Variants in CSPP1 observed in about 807,000 individuals in gnomAD.
The protein encoded by CSPP1 is centrosome and spindle pole-associated protein 1.
In CSPP1, 126 loss-of-function variants were observed where a neutral mutation model predicts 164.4. The observed-to-expected ratio is 0.77, with a 90% CI of 0.66 to 0.89. The LOEUF is 0.89. CSPP1 is among the 40% of genes least tolerant of loss of function. The pLI is 0.00. For synonymous variants in CSPP1, 472 were observed against 476.7 expected (o/e 0.99, Z 0.13); for missense variants, 1,395 against 1,449.8 (o/e 0.96, Z 0.61).
intron 4 of CSPP1, 64 bp from the exon 5 acceptor site, chr8:67,091,739 A>T (rs1358545325): frequency 2.0e-6 from 1 of 502,546 alleles, no homozygotes; most frequent in East Asian, 8.1e-5. Context: ...GCAAAGACAC[A>T]TTTATGCAAC....
At chr8:67,119,527 T>G (rs968249462) in intron 15 of CSPP1, among the ~76,000 whole-genome samples, 1 of 152,174 alleles carries the variant, frequency 6.6e-6, no homozygotes, top group Non-Finnish European at 1.5e-5. Context: ...AGGGTTCCAA[T>G]TTCTCCACGT....
In CSPP1 at chr8:67,112,075, G is replaced by A. The variant is rs372775647; in HGVS notation, c.1187+10G>A. 4 of 1,587,170 alleles carry A rather than the reference G, an allele frequency of 2.5e-6. No homozygotes were observed. The highest frequency in any genetic ancestry group is 2.6e-6 in the Non-Finnish European group (3 of 1,158,890). ...AGAGGAACAAGAGACGGTAATGAAA[G>A]GTTTGCATTTAAAAGAGATATTTTG... On this transcript the variant is annotated intron_variant, in intron 10 of 30. Coordinates refer to ENST00000678616, the MANE Select transcript of CSPP1 (RefSeq NM_001382391.1).
intron 16 of CSPP1, among the ~76,000 whole-genome samples, chr8:67,136,831 T>G (rs901121613): frequency 6.6e-6 from 1 of 151,754 alleles, no homozygotes; most frequent in Non-Finnish European, 1.5e-5. Flanking sequence ...CCCATGGAAC[T>G]GGCAGGGTTA....
At chr8:67,183,843 ATTTTTTT>A (rs918103972) in intron 28 of CSPP1, among the ~76,000 whole-genome samples, 13 of 108,214 alleles carry the variant, frequency 1.2e-4, no homozygotes, top group East Asian at 9.7e-4. Context: ...AAAATTGGGA[ATTTTTTT>A]TTTTTTTTTT....
At chr8:67,131,727 T>A (rs546218146) in intron 15 of CSPP1, among the ~76,000 whole-genome samples, 136 of 152,322 alleles carry the variant, frequency 8.9e-4, no homozygotes, top group Admixed American at 1.5e-3. Context: ...ATCACCTAGC[T>A]TAAGAAATAG....
chr8:67,113,941 A>G, intron 11 of CSPP1, 79 bp downstream of exon 11: 1 of 798,558 alleles, frequency 1.3e-6, no homozygotes. Flanking sequence ...GGGATAGAGA[A>G]TATTGGGAGA....
chr8:67,105,392 T>G (rs558213730), intron 8 of CSPP1, among the ~76,000 whole-genome samples: 3 of 152,104 alleles, frequency 2.0e-5, no homozygotes, highest in African/African-American at 7.2e-5. Context: ...TTTTTGTTTT[T>G]GTTTTTGATA....
chr8:67,144,440 T>C (rs1393547587), intron 17 of CSPP1, among the ~76,000 whole-genome samples: 1 of 152,044 alleles, frequency 6.6e-6, no homozygotes, highest in Admixed American at 6.6e-5. Flanking sequence ...TTGGGAAATG[T>C]TTTTTCTTTT....
rs1306628601 is a variant in CSPP1 at position 67,116,027 on chromosome 8, T to C, written c.1401T>C (p.Ser467=). The C allele has an allele frequency of 1.2e-6, 2 of 1,613,930 alleles. No individual in the cohort carries two copies. Among genetic ancestry groups the C allele is most frequent in the Non-Finnish European group, 1.7e-6 (2 of 1,179,920 alleles). ...QTPLPPLSAP[S]VPPIPSVHPV... is the part of the protein sequence containing the mutation. Reference sequence around the variant, plus strand: ...CTCTCCCTCCTTTATCTGCCCCATCTGTCCCACCCATCCCATCAGTTCATC... The same window carrying C: ...CTCTCCCTCCTTTATCTGCCCCATCCGTCCCACCCATCCCATCAGTTCATC... Residue 467 remains serine, a synonymous_variant, in exon 13 of 31, where the codon TCT becomes TCC. Transcript: ENST00000678616.
Position 67,179,848 on chromosome 8 carries a change from A to G in CSPP1, c.3157-15A>G, listed in dbSNP as rs199558831. 7.8e-4 allele frequency: 1,225 copies of G among 1,561,632 alleles called. 1 individual carries two copies. Among genetic ancestry groups the G allele is most frequent in the Non-Finnish European group, 9.9e-4 (1,127 of 1,137,666 alleles). ...AAAACTAATAAAAATAGTCATTGAA[A>G]CATGTTTCTTTTAGCCCAGAGATGA... On this transcript the variant is annotated splice_polypyrimidine_tract_variant and intron_variant, in intron 27 of 30. Coordinates refer to ENST00000678616, the MANE Select transcript of CSPP1 (RefSeq NM_001382391.1).
rs76480918 is a variant in CSPP1, at chr8:67,095,019, G to A, written c.484-274G>A. The stretch of plus-strand genomic sequence containing the variant: ...GTTGAATGTATGGATGATTCATTCC[G>A]TTTTGTTGCATAGTAATGTTCCATT... On this transcript the variant is annotated intron_variant, in intron 6 of 30. Transcript: ENST00000678616. Among the ~76,000 whole-genome samples, 999 of 152,156 alleles carry A rather than the reference G, an allele frequency of 6.6e-3. 7 individuals are homozygous for A. The highest frequency in any genetic ancestry group is 0.023 in the African/African-American group (946 of 41,504).
chr8:67,130,635 A>G (rs1244667682), intron 15 of CSPP1, among the ~76,000 whole-genome samples: 2 of 152,238 alleles, frequency 1.3e-5, no homozygotes, highest in African/African-American at 4.8e-5. Flanking sequence ...AGGTAAATAC[A>G]CAATGGAACT....
intron 8 of CSPP1, among the ~76,000 whole-genome samples, chr8:67,103,517 G>A (rs1012758299): frequency 2.0e-5 from 3 of 151,914 alleles, no homozygotes; most frequent in East Asian, 3.9e-4. Context: ...AAATGTGGCC[G>A]GGCCTGGTGG....
intron 1 of CSPP1, among the ~76,000 whole-genome samples, chr8:67,069,869 A>C (rs1302393271): frequency 2.0e-5 from 3 of 152,018 alleles, no homozygotes; most frequent in African/African-American, 2.4e-5. Context: ...CATATTGGCC[A>C]GGCTGGTCTC....
At chr8:67,078,561 G>A (rs891956067) in intron 3 of CSPP1, among the ~76,000 whole-genome samples, 37 of 152,182 alleles carry the variant, frequency 2.4e-4, no homozygotes, top group African/African-American at 8.4e-4. Flanking sequence ...TCGCTATGTT[G>A]CCCAGGCTGG....
At chr8:67,149,580 ATTATTT>A (rs1825290035) in intron 17 of CSPP1, among the ~76,000 whole-genome samples, 197 bp from the exon 18 acceptor site, 2 of 152,164 alleles carry the variant, frequency 1.3e-5, no homozygotes, top group Non-Finnish European at 2.9e-5. Context: ...ACTAATTGAG[ATTATTT>A]TTAAGGATTA....
At chr8:67,171,447 G>T (rs1830447217) in intron 24 of CSPP1, among the ~76,000 whole-genome samples, 1 of 152,076 alleles carries the variant, frequency 6.6e-6, no homozygotes, top group South Asian at 2.1e-4. Flanking sequence ...GGAGTGCAGT[G>T]GCATGATCAC....
chr8:67,138,571 T>C (rs188636164), intron 17 of CSPP1, among the ~76,000 whole-genome samples: 126 of 152,296 alleles, frequency 8.3e-4, no homozygotes, highest in Middle Eastern at 6.8e-3. Context: ...TATATTAGGA[T>C]GGTCTTTGTT....
At chr8:67,066,370 A>G (rs931276615) in intron 1 of CSPP1, among the ~76,000 whole-genome samples, 1 of 152,120 alleles carries the variant, frequency 6.6e-6, no homozygotes, top group East Asian at 1.9e-4. Context: ...ATGAGAAGTG[A>G]GAAACATTGT....
Sources: gnomAD v4.1 joint callset for allele counts (sites outside exome capture counted in the v4.1 genomes callset) on GRCh38, gnomAD v4.1.1 for gene constraint, MANE v1.5 for transcripts, NCBI Gene and HGNC (gene_info 2026-07-23, HGNC 2026-07-21) for gene names.